XAB2: variants seen among roughly 807,000 people sequenced by gnomAD.
The protein encoded by XAB2 is pre-mRNA-splicing factor SYF1.
Under a neutral mutation model 113.4 loss-of-function variants are expected in XAB2, and 57 were observed. The ratio of observed to expected loss-of-function variants is 0.50; its 90% CI spans 0.41 to 0.63. The LOEUF (loss-of-function observed/expected upper bound fraction) is 0.63. Among genes scored for constraint, XAB2 ranks in the 20% least tolerant of loss-of-function variants. XAB2 has a pLI of 0.00. For synonymous variants in XAB2, 497 were observed against 498.8 expected (o/e 1.00, Z 0.05); for missense variants, 1,037 against 1,233.3 (o/e 0.84, Z 2.38).
At position 7,627,907 on chromosome 19, in the gene XAB2, A is replaced by G. The variant is rs2031174524; in HGVS notation, c.201-56T>C. The G allele has an allele frequency of 6.3e-7, 1 of 1,585,000 alleles. No individual in the cohort carries two copies. Among genetic ancestry groups the G allele is most frequent in the Admixed American group, 1.7e-5 (1 of 58,478 alleles). On this transcript the variant is annotated intron_variant, in intron 2 of 18. Transcript: ENST00000358368. The surrounding 1 kb of genome is among the most constrained non-coding windows in gnomAD (Gnocchi z 4.5). ...GGTCAGCTTTATGGACACCCCCAGAACCATTTGCCCTGCCCCAGTTGGCAA... is the reference window on the plus strand; with the variant it reads ...GGTCAGCTTTATGGACACCCCCAGAGCCATTTGCCCTGCCCCAGTTGGCAA...
rs754114192 is a variant in XAB2 at position 7,623,776 on chromosome 19, G to A, written c.1074C>T (p.His358=). 1.4e-5 allele frequency: 23 copies of A among 1,611,778 alleles called. No homozygotes were observed. The highest frequency in any genetic ancestry group is 6.7e-5 in the Admixed American group (4 of 59,942). The part of the protein sequence containing the change: ...VLLRQNPHHV[H]EWHKRVALHQ... ...GCAGGGCGACACGCTTGTGCCACTC[G>A]TGCACGTGGTGTGGGTTTTGGCGCA... The change falls in exon 8 of 19, where the codon CAC becomes CAT. Residue 358 remains histidine (H), a synonymous_variant. Transcript: ENST00000358368. This position sits in a 1 kb window ranked among gnomAD's most constrained non-coding sequence, Gnocchi z 4.6.
chr19:7,620,935 G>T lies in XAB2; in HGVS notation c.1882C>A (p.Gln628Lys), dbSNP rs111756407. Residue 628 changes from glutamine (Q) to lysine (K), a missense_variant, in exon 14 of 19, where the codon CAG becomes AAG. Physicochemically the swap from Gln to Lys is moderately conservative, Grantham distance 53 (BLOSUM62 1). Coordinates refer to ENST00000358368, the MANE Select transcript of XAB2 (RefSeq NM_020196.3). ...RATRAVEPAQ[Q>K]YDMFNIYIKR... The stretch of plus-strand genomic sequence containing the variant: ...ATGTAGATGTTGAACATGTCATACT[G>T]CTGGGCGGGCTCCACGGCCCTGGTG... 3,055 of 1,594,050 alleles carry T rather than the reference G, an allele frequency of 1.9e-3. 8 individuals are homozygous for T. The highest frequency in any genetic ancestry group is 1.9e-3 in the Non-Finnish European group (2,259 of 1,172,246).
rs1568452671 is a variant in XAB2 at position 7,620,081 on chromosome 19, G to T, written c.2267-6C>A. 6.2e-7 allele frequency: 1 copy of T among 1,610,824 alleles called. No homozygotes were observed. Among genetic ancestry groups the T allele is most frequent in the Non-Finnish European group, 8.5e-7 (1 of 1,179,920 alleles). Reference sequence around the variant, plus strand: ...CCCAGGGGCCAGGTCAGACACTAGGGGGTGGGAGCAGGGGGTCAGCGCCAC... The same window carrying T: ...CCCAGGGGCCAGGTCAGACACTAGGTGGTGGGAGCAGGGGGTCAGCGCCAC... On this transcript the variant is annotated splice_region_variant and splice_polypyrimidine_tract_variant and intron_variant, in intron 16 of 18. Transcript: ENST00000358368.
At chr19:7,621,876 T>C (rs794079) in intron 12 of XAB2, 192,053 of 192,422 alleles carry the variant, frequency 1, 95,846 homozygotes, top group Middle Eastern at 1. Context: ...GGAAGTAGGA[T>C]TCTGTGCCTG....
Position 7,627,898 on chromosome 19 carries a change from AC to A in XAB2, c.201-48del. 6.3e-7 allele frequency: 1 copy of A among 1,584,824 alleles called. No homozygotes were observed. ...ATGCTGATCGGTCAGCTTTATGGAC[AC>A]CCCCAGAACCATTTGCCCTGCCCCA... On this transcript the variant is annotated intron_variant, in intron 2 of 18. Coordinates refer to ENST00000358368, the MANE Select transcript of XAB2 (RefSeq NM_020196.3). This position sits in a 1 kb window ranked among gnomAD's most constrained non-coding sequence, Gnocchi z 4.5.
chr19:7,626,418 G>A (rs2031142214), intron 4 of XAB2, 148 bp from the exon 5 acceptor site: 2 of 1,161,880 alleles, frequency 1.7e-6, no homozygotes, highest in Non-Finnish European at 2.4e-6. Context: ...CAGCCCCACT[G>A]GTCCAGCCCG....
Position 7,624,523 on chromosome 19 carries a change from A to C in XAB2, c.823-78T>G. On this transcript the variant is annotated intron_variant, in intron 6 of 18. Transcript: ENST00000358368. This position sits in a 1 kb window ranked among gnomAD's most constrained non-coding sequence, Gnocchi z 4.2. ...CAGCAGCACTCTTAGCACCAGCCTC[A>C]ATGTGGAACCCCTGGGGGCCTTCTG... 2.5e-6 allele frequency: 4 copies of C among 1,599,570 alleles called. No individual in the cohort carries two copies. Among genetic ancestry groups the C allele is most frequent in the East Asian group, 2.2e-5 (1 of 44,714 alleles).
In XAB2 at chr19:7,628,710, A is replaced by G. The variant is rs1025081808; in HGVS notation, c.52-412T>C. 6.6e-6 allele frequency among the ~76,000 whole-genome samples: 1 copy of G among 152,052 alleles called. No homozygotes were observed. The highest frequency in any genetic ancestry group is 2.4e-5 in the African/African-American group (1 of 41,368). On this transcript the variant is annotated intron_variant, in intron 1 of 18. Coordinates refer to ENST00000358368, the MANE Select transcript of XAB2 (RefSeq NM_020196.3). The surrounding 1 kb of genome is among the most constrained non-coding windows in gnomAD (Gnocchi z 4.6). ...CCAGACACCAGGCCTTTGGCCCCTCAGACTCCCACTGTCACCATCTGACCC... is the reference window on the plus strand; with the variant it reads ...CCAGACACCAGGCCTTTGGCCCCTCGGACTCCCACTGTCACCATCTGACCC...
chr19:7,628,262 G>A lies in XAB2; in HGVS notation c.88C>T (p.Arg30Trp), dbSNP rs779853299. ...EDLPYEEEIM[R>W]NQFSVKCWLR... The stretch of plus-strand genomic sequence containing the variant: ...CAGCATTTGACAGAGAATTGGTTCC[G>A]CATGATTTCCTCCTCATAGGGGAGG... Residue 30 changes from arginine (R) to tryptophan (W), a missense_variant, in exon 2 of 19, where the codon CGG (arginine) becomes TGG (tryptophan). Coordinates refer to ENST00000358368, the MANE Select transcript of XAB2 (RefSeq NM_020196.3). This position sits in a 1 kb window ranked among gnomAD's most constrained non-coding sequence, Gnocchi z 4.6. The A allele has an allele frequency of 2.5e-5, 40 of 1,613,970 alleles. No homozygotes were observed. In the South Asian group the frequency reaches 2.6e-4, roughly 11 times the overall value.
Position 7,619,570 on chromosome 19 carries a change from ATGG to A in XAB2, c.*13_*15del, listed in dbSNP as rs1207646715. 4 of 600,558 alleles carry A rather than the reference ATGG, an allele frequency of 6.7e-6. No individual in the cohort carries two copies. The highest frequency in any genetic ancestry group is 2.6e-5 in the African/African-American group (1 of 38,314). The allele number at this position is 600,558 out of a possible 1,614,324, so 37.2% of individuals were successfully genotyped here. A position where few individuals can be genotyped will look rare whatever the true frequency, so the allele number is the denominator to read the frequency against. ...ATTGGGGAGGGGGTGGGGAGGGGGG[ATGG>A]GGGAGGGACGGGTCAGTCTTCCTTC... On this transcript the variant is annotated 3_prime_UTR_variant, in exon 19 of 19. Transcript: ENST00000358368.
At position 7,629,537 on chromosome 19, in the gene XAB2, T is replaced by C; in HGVS notation, c.-10A>G. 7 of 1,602,922 alleles carry C rather than the reference T, an allele frequency of 4.4e-6. No homozygotes were observed. The highest frequency in any genetic ancestry group is 6.0e-6 in the Non-Finnish European group (7 of 1,174,942). ...GCGCCATCACCACCATTTTTCTGGATGCCCAGGTACAGGAGAGAGTCGCGC... is the reference window on the plus strand; with the variant it reads ...GCGCCATCACCACCATTTTTCTGGACGCCCAGGTACAGGAGAGAGTCGCGC... On this transcript the variant is annotated 5_prime_UTR_variant, in exon 1 of 19. Coordinates refer to ENST00000358368, the MANE Select transcript of XAB2 (RefSeq NM_020196.3).
intron 4 of XAB2, among the ~76,000 whole-genome samples, chr19:7,626,944 A>C (rs374664672): frequency 1.3e-5 from 2 of 152,230 alleles, no homozygotes; most frequent in East Asian, 3.9e-4. Context: ...GTTTTACTCT[A>C]GTTCATGCCA....
At chr19:7,620,766 C>T in intron 14 of XAB2, 80 bp downstream of exon 14, 1 of 1,575,108 alleles carries the variant, frequency 6.3e-7, no homozygotes, top group Non-Finnish European at 8.6e-7. Flanking sequence ...AAGGCTCCTC[C>T]TCAGCCCCTC....
rs765590538 is a variant in XAB2 at position 7,623,853 on chromosome 19, G to A, written c.997C>T (p.Arg333Cys). 12 of 1,602,364 alleles carry A rather than the reference G, an allele frequency of 7.5e-6. No homozygotes were observed. Among genetic ancestry groups the A allele is most frequent in the Admixed American group, 3.4e-5 (2 of 58,228 alleles). ...DDVDLELRLA[R>C]FEQLISRRPL... Reference sequence around the variant, plus strand: ...CGCCGGCTGATGAGCTGCTCGAAGCGGGCCAGGCGCAGCTCCAGGTCCACA... The same window carrying A: ...CGCCGGCTGATGAGCTGCTCGAAGCAGGCCAGGCGCAGCTCCAGGTCCACA... Residue 333 changes from arginine to cysteine, a missense_variant, in exon 8 of 19, where the codon CGC becomes TGC. By Grantham distance (180) the Arg-to-Cys change is radical (BLOSUM62 -3). Transcript: ENST00000358368. This position sits in a 1 kb window ranked among gnomAD's most constrained non-coding sequence, Gnocchi z 4.6.
Position 7,620,834 on chromosome 19 carries a change from C to A in XAB2, c.1971+12G>T, listed in dbSNP as rs547164043. 29 of 1,571,894 alleles carry A rather than the reference C, an allele frequency of 1.8e-5. No individual in the cohort carries two copies. In the Admixed American group the frequency reaches 2.8e-4, roughly 15 times the overall value. On this transcript the variant is annotated intron_variant, in intron 14 of 18. Coordinates refer to ENST00000358368, the MANE Select transcript of XAB2 (RefSeq NM_020196.3). ...GACCTCTGGCCCCGGCCCAGCCCCC[C>A]ACGGTGGGTACCTCAATGGCCTTCT...
rs764795220 is a variant in XAB2, at chr19:7,624,494, C to T, written c.823-49G>A. On this transcript the variant is annotated intron_variant, in intron 6 of 18. Transcript: ENST00000358368. This position sits in a 1 kb window ranked among gnomAD's most constrained non-coding sequence, Gnocchi z 4.2. ...GGTGAGAGGAAAGTGGCGCAGGGGA[C>T]AGGCAGCAGCACTCTTAGCACCAGC... 1.9e-6 allele frequency: 3 copies of T among 1,611,252 alleles called. No homozygotes were observed. The South Asian group carries it at 3.3e-5, about 18-fold the overall frequency.
chr19:7,627,529 C>A lies in XAB2; in HGVS notation c.325-89G>T. 6.5e-7 allele frequency: 1 copy of A among 1,526,972 alleles called. No homozygotes were observed. The highest frequency in any genetic ancestry group is 8.9e-7 in the Non-Finnish European group (1 of 1,122,054). The allele number at this position is 1,526,972 out of a possible 1,614,324, so 94.6% of individuals were successfully genotyped here. On this transcript the variant is annotated intron_variant, in intron 3 of 18. Transcript: ENST00000358368. This position sits in a 1 kb window ranked among gnomAD's most constrained non-coding sequence, Gnocchi z 4.5. Reference sequence around the variant, plus strand: ...TCGATGTCCTGTGGCTGAGCCACACCTGGGGCCACCACATAAATGCGGCGG... The same window carrying A: ...TCGATGTCCTGTGGCTGAGCCACACATGGGGCCACCACATAAATGCGGCGG...
In XAB2 at chr19:7,620,079, G is replaced by C. The variant is rs1447041823; in HGVS notation, c.2267-4C>G. ...TGCCCAGGGGCCAGGTCAGACACTAGGGGGTGGGAGCAGGGGGTCAGCGCC... is the reference window on the plus strand; with the variant it reads ...TGCCCAGGGGCCAGGTCAGACACTACGGGGTGGGAGCAGGGGGTCAGCGCC... On this transcript the variant is annotated splice_region_variant and splice_polypyrimidine_tract_variant and intron_variant, in intron 16 of 18. Transcript: ENST00000358368. 1 of 1,610,720 alleles carries C rather than the reference G, an allele frequency of 6.2e-7. No homozygotes were observed. The highest frequency in any genetic ancestry group is 8.5e-7 in the Non-Finnish European group (1 of 1,179,898).
chr19:7,629,210 C>A (rs905269783), intron 1 of XAB2, among the ~76,000 whole-genome samples: 1 of 152,242 alleles, frequency 6.6e-6, no homozygotes, highest in Non-Finnish European at 1.5e-5. Context: ...ATTCCCTGCA[C>A]GCCCCCATTT....
Sources: gnomAD v4.1 joint callset for allele counts (sites outside exome capture counted in the v4.1 genomes callset) on GRCh38, gnomAD v4.1.1 for gene constraint, Gnocchi (gnomAD v3.1) non-coding constraint, MANE v1.5 for transcripts, NCBI Gene and HGNC (gene_info 2026-07-23, HGNC 2026-07-21) for gene names.